THSD7A: variants seen among roughly 807,000 people sequenced by gnomAD.
The protein encoded by THSD7A is thrombospondin type 1 domain containing 7A, also known as thrombospondin type-1 domain-containing protein 7A.
THSD7A carries 96 observed loss-of-function variants against 231.3 expected under a neutral mutation model. That is an observed-to-expected ratio of 0.41 (90% CI 0.35 to 0.49). The LOEUF (loss-of-function observed/expected upper bound fraction) is 0.49. Among genes scored for constraint, THSD7A ranks in the 20% least tolerant of loss-of-function variants. The pLI, the probability that THSD7A is intolerant of heterozygous loss-of-function variation, is 0.05. For synonymous variants in THSD7A, 940 were observed against 743.3 expected (o/e 1.26, Z -4.30); for missense variants, 2,290 against 2,070.2 (o/e 1.11, Z -2.06).
chr7:11,549,952 C>T (rs1006567977), intron 4 of THSD7A, among the ~76,000 whole-genome samples: 2 of 152,202 alleles, frequency 1.3e-5, no homozygotes, highest in Non-Finnish European at 2.9e-5. Flanking sequence ...ACTCTCACCA[C>T]TCCTATTCAA....
chr7:11,823,813 C>CT (rs1442004757), intron 1 of THSD7A, among the ~76,000 whole-genome samples: 2 of 151,512 alleles, frequency 1.3e-5, no homozygotes, highest in African/African-American at 4.8e-5. Context: ...TTAATATAAG[C>CT]TTTTTTACTG....
rs758207714 is a variant in THSD7A, at chr7:11,636,523, C to T, written c.629G>A (p.Cys210Tyr). Residue 210 changes from cysteine (C) to tyrosine (Y), a missense_variant, in exon 2 of 28, where the codon TGC (cysteine) becomes TAC (tyrosine). Transcript: ENST00000423059. The surrounding 1 kb of genome is among the most constrained non-coding windows in gnomAD (Gnocchi z 10.0). ...CGTCCGGTGCTGGAGCCCGCTGCCG[C>T]AGGTCTTGGAGCATTCGGACCAGGC... ...FSAWSECSKT[C>Y]GSGLQHRTRH... 6.2e-7 allele frequency: 1 copy of T among 1,613,926 alleles called. No homozygotes were observed. Among genetic ancestry groups the T allele is most frequent in the South Asian group, 1.1e-5 (1 of 91,080 alleles).
At chr7:11,753,302 T>G (rs1166505445) in intron 1 of THSD7A, among the ~76,000 whole-genome samples, 3 of 152,122 alleles carry the variant, frequency 2.0e-5, no homozygotes, top group Non-Finnish European at 2.9e-5. Flanking sequence ...TGTTTTGCAG[T>G]GTTGTAGTTT....
At chr7:11,823,436 G>C (rs888492339) in intron 1 of THSD7A, among the ~76,000 whole-genome samples, 8 of 151,932 alleles carry the variant, frequency 5.3e-5, no homozygotes, top group Non-Finnish European at 7.4e-5. Flanking sequence ...GGCTATTTGG[G>C]TTCTTTTTTA....
Position 11,739,613 on chromosome 7 carries a change from C to A in THSD7A, c.190+92144G>T, listed in dbSNP as rs114541220. Among the ~76,000 whole-genome samples the A allele has an allele frequency of 4.6e-3, 696 of 151,662 alleles. 5 individuals are homozygous for A. The highest frequency in any genetic ancestry group is 0.016 in the African/African-American group (662 of 41,390). Reference sequence around the variant, plus strand: ...GTATTTTTTTTTATAGAAAGAGGGTCTCACTATGTTCCCAGGCTTGTCTTG... The same window carrying A: ...GTATTTTTTTTTATAGAAAGAGGGTATCACTATGTTCCCAGGCTTGTCTTG... On this transcript the variant is annotated intron_variant, in intron 1 of 27. Coordinates refer to ENST00000423059, the MANE Select transcript of THSD7A (RefSeq NM_015204.3).
At chr7:11,777,795 A>T (rs1783465839) in intron 1 of THSD7A, among the ~76,000 whole-genome samples, 1 of 152,110 alleles carries the variant, frequency 6.6e-6, no homozygotes, top group African/African-American at 2.4e-5. Flanking sequence ...ATGATTGTTT[A>T]AATTATAACC....
chr7:11,799,475 C>T (rs114900704), intron 1 of THSD7A, among the ~76,000 whole-genome samples: 1,564 of 152,176 alleles, frequency 0.01, 24 homozygotes, highest in African/African-American at 0.035. Flanking sequence ...TATTAATGCT[C>T]ATTTAATAAA....
At chr7:11,489,902 T>A (rs73068790) in intron 6 of THSD7A, among the ~76,000 whole-genome samples, 18,979 of 152,038 alleles carry the variant, frequency 0.12, 1,397 homozygotes, top group Middle Eastern at 0.19. Flanking sequence ...CCCCCACATA[T>A]ATATTTACCT....
In THSD7A at chr7:11,382,604, T is replaced by C. The variant is rs747257640; in HGVS notation, c.4424A>G (p.Tyr1475Cys). 1.9e-6 allele frequency: 3 copies of C among 1,612,154 alleles called. No homozygotes were observed. The highest frequency in any genetic ancestry group is 2.5e-6 in the Non-Finnish European group (3 of 1,178,770). The change falls in exon 24 of 28, where the codon TAT becomes TGT. Residue 1475 changes from tyrosine (Y) to cysteine (C), a missense_variant. By Grantham distance (194) the Tyr-to-Cys change is radical. Coordinates refer to ENST00000423059, the MANE Select transcript of THSD7A (RefSeq NM_015204.3). Reference sequence around the variant, plus strand: ...AGCACTGGCCATCCATTTATATTCATAGCACTGTCCATCTGCAGGGAAATA... The same window carrying C: ...AGCACTGGCCATCCATTTATATTCACAGCACTGTCCATCTGCAGGGAAATA... Reference protein sequence around the residue: ...ETKSCYDGQCYEYKWMASAWK... With the variant: ...ETKSCYDGQCCEYKWMASAWK...
At chr7:11,797,412 CTTTTTTTT>C (rs59662790) in intron 1 of THSD7A, among the ~76,000 whole-genome samples, 6 of 109,002 alleles carry the variant, frequency 5.5e-5, no homozygotes, top group Non-Finnish European at 7.5e-5. Flanking sequence ...CTGCCTCTCT[CTTTTTTTT>C]TTTTTTTTTT....
intron 1 of THSD7A, among the ~76,000 whole-genome samples, chr7:11,640,452 C>T (rs1782038410): frequency 6.6e-6 from 1 of 152,030 alleles, no homozygotes; most frequent in Admixed American, 6.5e-5. Flanking sequence ...CAAGCAGATA[C>T]TAGTGACATA....
chr7:11,720,267 A>C (rs755741297), intron 1 of THSD7A, among the ~76,000 whole-genome samples: 1 of 151,790 alleles, frequency 6.6e-6, no homozygotes, highest in Non-Finnish European at 1.5e-5. Flanking sequence ...CTCAGTATCT[A>C]GCTTCATCTC....
chr7:11,460,425 C>T (rs17164600), intron 11 of THSD7A, among the ~76,000 whole-genome samples: 19,367 of 152,096 alleles, frequency 0.13, 1,751 homozygotes, highest in African/African-American at 0.25. Flanking sequence ...CTTGGCCTGA[C>T]TTTCTTTCAG....
At chr7:11,790,021 C>G (rs142047842) in intron 1 of THSD7A, among the ~76,000 whole-genome samples, 1,928 of 151,948 alleles carry the variant, frequency 0.013, 43 homozygotes, top group African/African-American at 0.044. Flanking sequence ...AATATTTGCA[C>G]TGCATTGATA....
chr7:11,632,037 G>A lies in THSD7A; in HGVS notation c.1022+4093C>T, dbSNP rs1005688527. ...TTGATATAAAATTTCTGTAAATGAT[G>A]AGTGGCTGTGCCTAATCTGTTTGTA... is the stretch of plus-strand genomic sequence containing the variant. On this transcript the variant is annotated intron_variant, in intron 2 of 27. Coordinates refer to ENST00000423059, the MANE Select transcript of THSD7A (RefSeq NM_015204.3). The surrounding 1 kb of genome is among the most constrained non-coding windows in gnomAD (Gnocchi z 4.1). Among the ~76,000 whole-genome samples, 5 of 152,098 alleles carry A rather than the reference G, an allele frequency of 3.3e-5. No homozygotes were observed. The highest frequency in any genetic ancestry group is 4.1e-4 in the South Asian group (2 of 4,828).
intron 6 of THSD7A, among the ~76,000 whole-genome samples, chr7:11,533,383 A>G (rs1788784209): frequency 6.6e-6 from 1 of 152,192 alleles, no homozygotes; most frequent in African/African-American, 2.4e-5. Flanking sequence ...CCAGAGAACA[A>G]AAGTAGAGCC....
chr7:11,478,723 T>G (rs567878185), intron 7 of THSD7A, among the ~76,000 whole-genome samples: 2 of 152,206 alleles, frequency 1.3e-5, no homozygotes, highest in Admixed American at 1.3e-4. Flanking sequence ...ATCCTAACAT[T>G]TTCACAATGT....
chr7:11,393,135 G>C (rs1783049421), intron 23 of THSD7A, among the ~76,000 whole-genome samples: 1 of 152,210 alleles, frequency 6.6e-6, no homozygotes, highest in East Asian at 1.9e-4. Flanking sequence ...TCATACAGGA[G>C]AGCTCTGGCT....
intron 23 of THSD7A, among the ~76,000 whole-genome samples, chr7:11,387,218 C>G (rs1486493587): frequency 6.6e-6 from 1 of 151,896 alleles, no homozygotes; most frequent in African/African-American, 2.4e-5. Context: ...CCAGATGAAA[C>G]TTAAAGTAGT....
Sources: allele counts gnomAD v4.1 joint callset (sites outside exome capture counted in the v4.1 genomes callset), GRCh38; gene constraint gnomAD v4.1.1; non-coding constraint Gnocchi (gnomAD v3.1); transcripts MANE v1.5; gene names NCBI Gene and HGNC (gene_info 2026-07-23, HGNC 2026-07-21).